Variants in AGBL1 observed in about 807,000 individuals in gnomAD.
AGBL1 encodes the protein cytosolic carboxypeptidase 4.
Under a neutral mutation model 118.9 loss-of-function variants are expected in AGBL1, and 130 were observed. The ratio of observed to expected loss-of-function variants is 1.09; its 90% CI spans 0.95 to 1.26. The LOEUF is 1.26. Among genes scored for constraint, AGBL1 ranks in the 50% most tolerant of loss-of-function variants. The pLI is 0.00. For synonymous variants in AGBL1, 555 were observed against 478.9 expected (o/e 1.16, Z -2.08); for missense variants, 1,584 against 1,298.1 (o/e 1.22, Z -3.38).
chr15:86,365,005 A>ATC (rs1325305972), intron 17 of AGBL1, among the ~76,000 whole-genome samples: 1 of 137,464 alleles, frequency 7.3e-6, no homozygotes, highest in African/African-American at 2.8e-5. Flanking sequence ...ACACATATAT[A>ATC]TATACACACA....
At chr15:86,379,704 A>G (rs1325135632) in intron 17 of AGBL1, among the ~76,000 whole-genome samples, 3 of 152,176 alleles carry the variant, frequency 2.0e-5, no homozygotes, top group African/African-American at 7.2e-5. Flanking sequence ...ATGACTAGCC[A>G]TAGAGAGTGG....
intron 17 of AGBL1, among the ~76,000 whole-genome samples, chr15:86,391,989 C>T (rs1427692679): frequency 1.3e-5 from 2 of 152,014 alleles, no homozygotes; most frequent in Non-Finnish European, 2.9e-5. Context: ...CTCTTCTTCT[C>T]CTGTGGTGCC....
At chr15:86,115,592 G>C (rs1280233964) in intron 1 of AGBL1, among the ~76,000 whole-genome samples, 1 of 152,172 alleles carries the variant, frequency 6.6e-6, no homozygotes, top group Non-Finnish European at 1.5e-5. Flanking sequence ...ATACCGCTTA[G>C]TCACCTTCCA....
chr15:86,196,906 C>CACACAT (rs1555446511), intron 5 of AGBL1, among the ~76,000 whole-genome samples: 2 of 151,540 alleles, frequency 1.3e-5, no homozygotes, highest in Admixed American at 6.6e-5. Context: ...CACACACACA[C>CACACAT]ACACACACAC....
chr15:86,534,111 AT>A (rs1227818129), intron 19 of AGBL1, among the ~76,000 whole-genome samples: 13 of 112,304 alleles, frequency 1.2e-4, no homozygotes, highest in African/African-American at 3.6e-4. Context: ...TTAAAGTATA[AT>A]AAAAAAAAAA....
intron 24 of AGBL1, among the ~76,000 whole-genome samples, chr15:87,002,548 A>G (rs1293216112): frequency 6.6e-6 from 1 of 152,108 alleles, no homozygotes; most frequent in East Asian, 1.9e-4. Flanking sequence ...GATGGCACTG[A>G]ATCTATAAAT....
chr15:86,693,200 CGTT>C (rs1284802521), intron 22 of AGBL1, among the ~76,000 whole-genome samples: 1 of 152,036 alleles, frequency 6.6e-6, no homozygotes, highest in Non-Finnish European at 1.5e-5. Context: ...TTTCCATAGT[CGTT>C]GTACTAGTTT....
chr15:86,994,362 G>A (rs941329506), intron 24 of AGBL1, among the ~76,000 whole-genome samples: 2 of 151,988 alleles, frequency 1.3e-5, no homozygotes, highest in East Asian at 1.9e-4. Context: ...GGATGGGGTC[G>A]GATGGGCACA....
At chr15:86,810,083 G>GTA (rs1352033809) in intron 22 of AGBL1, among the ~76,000 whole-genome samples, 1 of 152,160 alleles carries the variant, frequency 6.6e-6, no homozygotes, top group Non-Finnish European at 1.5e-5. Context: ...GCCTTGGTCA[G>GTA]TATGCCTCAA....
chr15:86,297,828 C>T (rs2079670555), intron 17 of AGBL1, among the ~76,000 whole-genome samples: 1 of 152,030 alleles, frequency 6.6e-6, no homozygotes. Flanking sequence ...ATTCCAGACT[C>T]CACACACACA....
intron 23 of AGBL1, among the ~76,000 whole-genome samples, chr15:86,980,301 G>A (rs374779204): frequency 6.6e-6 from 1 of 152,134 alleles, no homozygotes; most frequent in Non-Finnish European, 1.5e-5. Context: ...GCTTTTTTGT[G>A]TGTTATTGTG....
chr15:86,887,193 ATGTC>A (rs967475073), intron 22 of AGBL1, among the ~76,000 whole-genome samples: 2 of 152,210 alleles, frequency 1.3e-5, no homozygotes, highest in Admixed American at 6.5e-5. Context: ...AAAGATATAT[ATGTC>A]TATCATTCTG....
intron 18 of AGBL1, among the ~76,000 whole-genome samples, chr15:86,500,074 T>C (rs1399167527): frequency 1.3e-5 from 2 of 151,914 alleles, no homozygotes; most frequent in South Asian, 4.1e-4. Flanking sequence ...TTTGTGGTCC[T>C]GCTGATTTGC....
intron 22 of AGBL1, among the ~76,000 whole-genome samples, chr15:86,761,470 G>A (rs1257136936): frequency 2.0e-5 from 3 of 152,058 alleles, no homozygotes; most frequent in African/African-American, 7.2e-5. Context: ...ACAAATGTAG[G>A]TACAGGGATA....
intron 22 of AGBL1, among the ~76,000 whole-genome samples, chr15:86,876,175 A>C (rs948893371): frequency 6.6e-6 from 1 of 152,192 alleles, no homozygotes; most frequent in African/African-American, 2.4e-5. Flanking sequence ...CTGTATACCA[A>C]GGACTCTGAA....
intron 22 of AGBL1, among the ~76,000 whole-genome samples, chr15:86,800,132 A>T (rs1306064762): frequency 6.6e-6 from 1 of 152,102 alleles, no homozygotes; most frequent in Admixed American, 6.6e-5. Context: ...AAACACCTGC[A>T]CCACCATGAA....
chr15:86,240,711 C>A (rs190542692), intron 6 of AGBL1, among the ~76,000 whole-genome samples: 8 of 152,204 alleles, frequency 5.3e-5, no homozygotes, highest in African/African-American at 1.9e-4. Context: ...GTCAGTAGTT[C>A]AGATGAATGG....
At chr15:86,688,312 G>A (rs2086100097) in intron 22 of AGBL1, among the ~76,000 whole-genome samples, 2 of 151,898 alleles carry the variant, frequency 1.3e-5, no homozygotes, top group African/African-American at 4.8e-5. Context: ...AAGGGAAGGA[G>A]GAGACTAGAA....
chr15:86,459,045 A>G (rs2082297279), intron 18 of AGBL1, among the ~76,000 whole-genome samples: 1 of 152,114 alleles, frequency 6.6e-6, no homozygotes, highest in Non-Finnish European at 1.5e-5. Context: ...GCTTCTCTAT[A>G]TGCTTGCTTA....
Sources: gnomAD v4.1 joint callset for allele counts (sites outside exome capture counted in the v4.1 genomes callset) on GRCh38, gnomAD v4.1.1 for gene constraint, MANE v1.5 for transcripts, NCBI Gene and HGNC (gene_info 2026-07-23, HGNC 2026-07-21) for gene names.